CEP63: variants seen among roughly 807,000 people sequenced by gnomAD.
CEP63 encodes centrosomal protein of 63 kDa.
A neutral mutation model predicts 89.1 loss-of-function variants in CEP63; 84 were observed. That is an observed-to-expected ratio of 0.94 (90% confidence interval 0.79 to 1.13). The LOEUF (loss-of-function observed/expected upper bound fraction) is 1.13, where lower values mean the gene tolerates loss of function less well. Ranked by LOEUF, CEP63 falls within the 50% of genes most tolerant of loss-of-function variation. The probability of loss-of-function intolerance (pLI) is 0.00; values close to 1 mark genes in which losing one functional copy is unlikely to be tolerated. For synonymous variants in CEP63, 267 were observed against 272.5 expected (o/e 0.98, Z 0.20); for missense variants, 838 against 813.3 (o/e 1.03, Z -0.37).
intron 11 of CEP63, among the ~76,000 whole-genome samples, chr3:134,572,636 T>A (rs781469935): frequency 1.3e-5 from 2 of 152,230 alleles, no homozygotes; most frequent in Non-Finnish European, 2.9e-5. Context: ...TGTACCACAT[T>A]TTCTTTATCT....
intron 5 of CEP63, among the ~76,000 whole-genome samples, chr3:134,533,101 G>C (rs553052348): frequency 2.0e-5 from 3 of 152,160 alleles, no homozygotes; most frequent in Non-Finnish European, 2.9e-5. Context: ...CTGGCCATCA[G>C]TAATTCTCAA....
At chr3:134,742,730 G>T in the CEP63 span, among the ~76,000 whole-genome samples, 1 of 152,216 alleles carries the variant, frequency 6.6e-6, no homozygotes, top group South Asian at 2.1e-4. Context: ...CACCCTCATG[G>T]GTGGGTTTAA....
At chr3:134,769,908 A>T in the CEP63 span, among the ~76,000 whole-genome samples, 1 of 152,250 alleles carries the variant, frequency 6.6e-6, no homozygotes, top group Non-Finnish European at 1.5e-5. Context: ...TGCTAGGCCT[A>T]AGGGCAAGGA....
the CEP63 span, among the ~76,000 whole-genome samples, chr3:134,780,094 T>A: frequency 1.3e-5 from 2 of 152,336 alleles, no homozygotes; most frequent in African/African-American, 4.8e-5. Flanking sequence ...ATTGTCTGAC[T>A]TTATTATGTT....
At chr3:134,677,503 C>T in the CEP63 span, among the ~76,000 whole-genome samples, 6 of 152,154 alleles carry the variant, frequency 3.9e-5, no homozygotes, top group African/African-American at 1.4e-4. Context: ...CCACCTACCT[C>T]CATCTGGGGG....
At chr3:134,709,308 G>A in the CEP63 span, among the ~76,000 whole-genome samples, 114 of 152,286 alleles carry the variant, frequency 7.5e-4, no homozygotes, top group Non-Finnish European at 1.5e-3. Flanking sequence ...CTGTGGGGGT[G>A]GAGGTAGGAA....
downstream of CEP63, among the ~76,000 whole-genome samples, chr3:134,569,797 C>T (rs1224232635): frequency 6.6e-6 from 1 of 152,210 alleles, no homozygotes; most frequent in Non-Finnish European, 1.5e-5. Context: ...TTTCGCACTG[C>T]CCTAGCAGAG....
At chr3:134,533,983 C>G (rs1389568374) in intron 5 of CEP63, among the ~76,000 whole-genome samples, 3 of 152,148 alleles carry the variant, frequency 2.0e-5, no homozygotes, top group African/African-American at 7.2e-5. Context: ...TCCCCCCAAA[C>G]CCTATATCCT....
chr3:134,733,654 G>A, the CEP63 span, among the ~76,000 whole-genome samples: 1 of 152,166 alleles, frequency 6.6e-6, no homozygotes, highest in Non-Finnish European at 1.5e-5. Flanking sequence ...AGTGGAGGCA[G>A]AGACTGAAGG....
the CEP63 span, among the ~76,000 whole-genome samples, chr3:134,755,095 T>C: frequency 2.6e-5 from 4 of 152,318 alleles, no homozygotes; most frequent in African/African-American, 9.6e-5. Context: ...CATTCTGACT[T>C]CAGAGGAAGG....
At chr3:134,704,849 G>A in the CEP63 span, among the ~76,000 whole-genome samples, 1 of 152,234 alleles carries the variant, frequency 6.6e-6, no homozygotes, top group Non-Finnish European at 1.5e-5. Context: ...TTGTTGAAGA[G>A]GTGGGGCGTG....
chr3:134,538,565 A>ATATATATATATATATGTATATATAT (rs1559978963), intron 6 of CEP63, among the ~76,000 whole-genome samples: 1 of 138,232 alleles, frequency 7.2e-6, no homozygotes, highest in East Asian at 2.1e-4. Flanking sequence ...GTATATATAT[A>ATATATATATATATATGTATATATAT]TTTTTTTAAC....
chr3:134,498,189 C>A (rs767233792), intron 2 of CEP63, among the ~76,000 whole-genome samples: 1 of 152,086 alleles, frequency 6.6e-6, no homozygotes, highest in Non-Finnish European at 1.5e-5. Flanking sequence ...ATTCTTCTGA[C>A]CCATGGGCAT....
At chr3:134,701,678 G>A in the CEP63 span, among the ~76,000 whole-genome samples, 1 of 151,952 alleles carries the variant, frequency 6.6e-6, no homozygotes, top group South Asian at 2.1e-4. Flanking sequence ...AGACAAGGAT[G>A]CCCTTTCTCA....
intron 10 of CEP63, among the ~76,000 whole-genome samples, chr3:134,581,726 A>G (rs1424892003): frequency 1.8e-5 from 2 of 111,570 alleles, no homozygotes; most frequent in Non-Finnish European, 1.7e-5. Context: ...CCCAGGCTGG[A>G]GTGCAGTGGC....
chr3:134,558,052 C>A, intron 12 of CEP63, 90 bp from the exon 13 acceptor site: 1 of 1,142,752 alleles, frequency 8.8e-7, no homozygotes, highest in Non-Finnish European at 1.3e-6. Context: ...CTACTTACAA[C>A]TAAAAAACAC....
chr3:134,759,717 G>A, the CEP63 span, among the ~76,000 whole-genome samples: 4 of 152,184 alleles, frequency 2.6e-5, no homozygotes, highest in Non-Finnish European at 4.4e-5. Context: ...GAGGAAATAT[G>A]ACCACAATTG....
the CEP63 span, among the ~76,000 whole-genome samples, chr3:134,677,857 T>C: frequency 6.6e-6 from 1 of 152,074 alleles, no homozygotes; most frequent in South Asian, 2.1e-4. Context: ...AGTCATGCAG[T>C]CACCAAGTCA....
chr3:134,638,342 G>C, the CEP63 span, among the ~76,000 whole-genome samples: 1 of 152,174 alleles, frequency 6.6e-6, no homozygotes, highest in African/African-American at 2.4e-5. Flanking sequence ...ACAGAGAGTA[G>C]ATCATTTGGA....
Sources: gnomAD v4.1 joint callset for allele counts (sites outside exome capture counted in the v4.1 genomes callset) on GRCh38, gnomAD v4.1.1 for gene constraint, MANE v1.5 for transcripts, NCBI Gene and HGNC (gene_info 2026-07-23, HGNC 2026-07-21) for gene names.